The following DZANK1 variants were observed in gnomAD, a reference collection of about 807,000 sequenced individuals.
DZANK1 encodes double zinc ribbon and ankyrin repeat-containing protein 1.
In DZANK1, 91 loss-of-function variants were observed where a neutral mutation model predicts 94.5. The observed-to-expected ratio is 0.96, with a 90% CI of 0.81 to 1.15. DZANK1 has a LOEUF of 1.15. DZANK1 is among the 50% of genes most tolerant of loss of function. DZANK1 has a pLI of 0.00. For synonymous variants in DZANK1, 312 were observed against 325.3 expected, an observed-to-expected ratio of 0.96 and a Z score of 0.44; for missense variants, 903 against 916.4, an observed-to-expected ratio of 0.99 and a Z score of 0.19.
intron 17 of DZANK1, among the ~76,000 whole-genome samples, chr20:18,391,782 G>A (rs1211068324): frequency 1.3e-5 from 2 of 152,202 alleles, no homozygotes; most frequent in Admixed American, 1.3e-4. Context: ...ACTGGTCAAG[G>A]CCTCTGAGCC....
chr20:18,408,766 G>A (rs2057085550), intron 13 of DZANK1, among the ~76,000 whole-genome samples: 1 of 152,158 alleles, frequency 6.6e-6, no homozygotes, highest in Admixed American at 6.5e-5. Flanking sequence ...ATGCTAAAGG[G>A]AGTTATTCAA....
intron 8 of DZANK1, among the ~76,000 whole-genome samples, chr20:18,438,556 A>G (rs2058618167): frequency 6.6e-6 from 1 of 152,232 alleles, no homozygotes. Context: ...ATATCAGAGA[A>G]TAAAGGACTT....
intron 5 of DZANK1, chr20:18,452,708 T>C: frequency 6.3e-7 from 1 of 1,599,024 alleles, no homozygotes; most frequent in Non-Finnish European, 8.5e-7. Context: ...CTTTCAAAGT[T>C]TTAGGGTCAG....
chr20:18,447,836 C>T (rs1261330425), intron 7 of DZANK1, among the ~76,000 whole-genome samples: 1 of 152,130 alleles, frequency 6.6e-6, no homozygotes, highest in African/African-American at 2.4e-5. Context: ...TTCTCCTCCA[C>T]TGCTGGTGAG....
chr20:18,458,815 C>G (rs1170195912), intron 3 of DZANK1, among the ~76,000 whole-genome samples: 1 of 152,198 alleles, frequency 6.6e-6, no homozygotes, highest in East Asian at 1.9e-4. Context: ...ACCTATTCTA[C>G]CCCCTAAGAT....
intron 13 of DZANK1, among the ~76,000 whole-genome samples, chr20:18,408,559 T>C (rs4814744): frequency 0.37 from 55,939 of 152,002 alleles, 11,168 homozygotes; most frequent in Middle Eastern, 0.46. Context: ...ATACCTTCAG[T>C]AGCAGGCTTT....
chr20:18,425,760 A>C (rs2058013440), intron 10 of DZANK1, among the ~76,000 whole-genome samples: 1 of 152,120 alleles, frequency 6.6e-6, no homozygotes, highest in Admixed American at 6.5e-5. Context: ...AAAAAGGGAA[A>C]TCTGGACACA....
At chr20:18,451,876 A>C (rs780980910) in intron 6 of DZANK1, 1 of 518,646 alleles carries the variant, frequency 1.9e-6, no homozygotes, top group Non-Finnish European at 3.8e-6. Flanking sequence ...CCTCCTAAAT[A>C]ATGTTCTCCC....
At position 18,417,716 on chromosome 20, in the gene DZANK1, C is replaced by A. The variant is rs145525886; in HGVS notation, c.955-2267G>T. The stretch of plus-strand genomic sequence containing the variant: ...AGAAATCATCTTTTTTTAAAAAAAA[C>A]TACAGATTTTTCCTTCTGGTAATGA... On this transcript the variant is annotated intron_variant, in intron 10 of 20. Coordinates refer to ENST00000262547, the Ensembl canonical transcript of DZANK1. 3.4e-3 allele frequency among the ~76,000 whole-genome samples: 523 copies of A among 152,020 alleles called. 3 individuals carry two copies. Among genetic ancestry groups the A allele is most frequent in the African/African-American group, 5.1e-3 (211 of 41,474 alleles).
intron 15 of DZANK1, chr20:18,394,765 G>A (rs1445871660): frequency 4.4e-6 from 2 of 458,692 alleles, no homozygotes; most frequent in Non-Finnish European, 4.4e-6. Flanking sequence ...AAGGTCTCAG[G>A]CTGCCAAGTG....
At chr20:18,429,605 G>A (rs192083429) in intron 9 of DZANK1, among the ~76,000 whole-genome samples, 2 of 152,170 alleles carry the variant, frequency 1.3e-5, no homozygotes, top group African/African-American at 2.4e-5. Context: ...ATTATCACCC[G>A]CAGCCCATGG....
At chr20:18,397,556 T>C (rs1225028891) in intron 14 of DZANK1, among the ~76,000 whole-genome samples, 1 of 152,222 alleles carries the variant, frequency 6.6e-6, no homozygotes, top group Non-Finnish European at 1.5e-5. Flanking sequence ...AGGCTTCTTC[T>C]GACTATCAAC....
At position 18,412,690 on chromosome 20, in the gene DZANK1, A is replaced by ATT; in HGVS notation, c.1386_1387dup (p.Met463LysfsTer2). 1 of 1,613,246 alleles carries ATT rather than the reference A, an allele frequency of 6.2e-7. No homozygotes were observed. The highest frequency in any genetic ancestry group is 8.5e-7 in the Non-Finnish European group (1 of 1,179,694). On this transcript the variant is annotated frameshift_variant, in exon 13 of 21. Transcript: ENST00000262547. LOFTEE classifies it high-confidence loss of function. The stretch of plus-strand genomic sequence containing the variant: ...TGTCAGGAGGGGTTTATGGTCACTC[A>ATT]TTTTCTCCTGCCTCTGCTTTTGAGA...
chr20:18,395,849 A>C (rs1009162721), intron 15 of DZANK1, among the ~76,000 whole-genome samples: 1 of 152,226 alleles, frequency 6.6e-6, no homozygotes, highest in Non-Finnish European at 1.5e-5. Context: ...ATTCATGTGC[A>C]TTAGCTCGTT....
At chr20:18,394,176 A>C in intron 16 of DZANK1, 78 bp downstream of exon 16, 1 of 1,246,926 alleles carries the variant, frequency 8.0e-7, no homozygotes, top group Non-Finnish European at 1.1e-6. Context: ...TCAAACTCTT[A>C]GCAGTTCTCT....
intron 13 of DZANK1, among the ~76,000 whole-genome samples, chr20:18,402,942 C>T (rs1019808055): frequency 1.3e-5 from 2 of 152,212 alleles, no homozygotes; most frequent in African/African-American, 2.4e-5. Context: ...TACCAAAACT[C>T]AGAATCATGA....
intron 10 of DZANK1, among the ~76,000 whole-genome samples, chr20:18,416,793 T>C (rs1175941159): frequency 6.6e-6 from 1 of 152,148 alleles, no homozygotes; most frequent in Admixed American, 6.5e-5. Context: ...GGGAAACTCC[T>C]TCAGGTAAAT....
At chr20:18,449,907 C>T (rs1403766615) in intron 6 of DZANK1, among the ~76,000 whole-genome samples, 4 of 151,604 alleles carry the variant, frequency 2.6e-5, no homozygotes, top group Admixed American at 6.6e-5. Flanking sequence ...GGAGAAACCC[C>T]GTCTCTACTA....
chr20:18,452,971 T>C (rs1040762964), intron 5 of DZANK1, among the ~76,000 whole-genome samples: 3 of 152,168 alleles, frequency 2.0e-5, no homozygotes, highest in Non-Finnish European at 4.4e-5. Flanking sequence ...TTCTACAATA[T>C]TCCACTTCAG....
Sources: gnomAD v4.1 joint callset for allele counts (sites outside exome capture counted in the v4.1 genomes callset) on GRCh38, gnomAD v4.1.1 for gene constraint, MANE v1.5 for transcripts, NCBI Gene and HGNC (gene_info 2026-07-23, HGNC 2026-07-21) for gene names.